BBS5: variants seen among roughly 807,000 people sequenced by gnomAD.
BBS5 encodes the protein Bardet-Biedl syndrome 5, also known as BBSome complex member BBS5.
In BBS5, 39 loss-of-function variants were observed where a neutral mutation model predicts 50.2. The ratio of observed to expected loss-of-function variants is 0.78; its 90% CI spans 0.60 to 1.01. The LOEUF is 1.01. Ranked by LOEUF, BBS5 falls within the 50% of genes least tolerant of loss-of-function variation. BBS5 has a pLI of 0.00. For synonymous variants in BBS5, 134 were observed against 133.1 expected (o/e 1.01, Z -0.05); for missense variants, 356 against 401.5 (o/e 0.89, Z 0.97).
chr2:169,493,054 T>A, intron 6 of BBS5, 45 bp downstream of exon 6: 3 of 1,604,912 alleles, frequency 1.9e-6, no homozygotes, highest in Non-Finnish European at 1.7e-6. Flanking sequence ...AGTGTTTTGG[T>A]AATCATTTTT....
At chr2:169,492,093 G>A (rs78069662) in intron 5 of BBS5, among the ~76,000 whole-genome samples, 7,234 of 151,770 alleles carry the variant, frequency 0.048, 194 homozygotes, top group East Asian at 0.13. Flanking sequence ...CACTGTGCCC[G>A]GCCGAGAAAA....
Position 169,499,565 on chromosome 2 carries a change from A to G in BBS5, c.761A>G (p.His254Arg). The change falls in exon 9 of 12, where the codon CAC becomes CGC. Residue 254 changes from histidine to arginine, a missense_variant. Transcript: ENST00000295240. The stretch of plus-strand genomic sequence containing the variant: ...TCAGTTAAGGAAATCAATTCACTTC[A>G]CAAAGTCTATTCTGCCAGTCCCATA... ...QESVKEINSLHKVYSASPIFG... is the reference protein window; with the variant it reads ...QESVKEINSLRKVYSASPIFG... 1 of 1,613,814 alleles carries G rather than the reference A, an allele frequency of 6.2e-7. No homozygotes were observed. The highest frequency in any genetic ancestry group is 8.5e-7 in the Non-Finnish European group (1 of 1,179,752).
chr2:169,498,553 C>T (rs1365338034), intron 8 of BBS5, among the ~76,000 whole-genome samples: 1 of 152,064 alleles, frequency 6.6e-6, no homozygotes, highest in Non-Finnish European at 1.5e-5. Context: ...CGCAGTGGCT[C>T]ATGCTTGTAA....
chr2:169,493,929 C>T, intron 7 of BBS5, 93 bp downstream of exon 7: 1 of 803,252 alleles, frequency 1.2e-6, no homozygotes, highest in South Asian at 1.6e-5. Flanking sequence ...TTCTTTCTCC[C>T]TTTTTTAAGT....
rs115517775 is a variant in BBS5 at position 169,497,179 on chromosome 2, G to A, written c.619-448G>A. Among the ~76,000 whole-genome samples the A allele has an allele frequency of 8.8e-3, 1,333 of 152,242 alleles. 26 individuals are homozygous for A. Among genetic ancestry groups the A allele is most frequent in the African/African-American group, 0.03 (1,258 of 41,550 alleles). ...CTACAAAAAAGAAAAAATTAACTGG[G>A]CATGGTGACACATGCCTGTAGTCCT... is the stretch of plus-strand genomic sequence containing the variant. On this transcript the variant is annotated intron_variant, in intron 7 of 11. Transcript: ENST00000295240.
At chr2:169,482,727 A>G (rs964375403) in intron 2 of BBS5, 10 of 254,142 alleles carry the variant, frequency 3.9e-5, no homozygotes, top group African/African-American at 9.0e-5. Flanking sequence ...TGCACCATCA[A>G]TCACCTATGG....
chr2:169,498,488 G>A (rs115883668), intron 8 of BBS5, among the ~76,000 whole-genome samples: 1 of 151,994 alleles, frequency 6.6e-6, no homozygotes, highest in Non-Finnish European at 1.5e-5. Context: ...TATGACAACT[G>A]GATAACCATT....
chr2:169,493,871 G>A (rs764007119), intron 7 of BBS5, 35 bp downstream of exon 7: 2 of 1,359,508 alleles, frequency 1.5e-6, no homozygotes, highest in Admixed American at 1.7e-5. Flanking sequence ...TTATTTTAAT[G>A]TAAAATAAAT....
At chr2:169,489,072 G>A (rs1353137736) in intron 5 of BBS5, among the ~76,000 whole-genome samples, 1 of 151,948 alleles carries the variant, frequency 6.6e-6, no homozygotes, top group Non-Finnish European at 1.5e-5. Flanking sequence ...ACTCACTGAA[G>A]CCTCAAACTC....
chr2:169,491,352 T>C (rs1339245407), intron 5 of BBS5, among the ~76,000 whole-genome samples: 2 of 152,210 alleles, frequency 1.3e-5, no homozygotes, highest in Non-Finnish European at 2.9e-5. Flanking sequence ...TGGTTAAGTA[T>C]TGATGATAAC....
intron 10 of BBS5, 30 bp downstream of exon 10, chr2:169,503,208 T>G: frequency 6.5e-7 from 1 of 1,536,340 alleles, no homozygotes; most frequent in Non-Finnish European, 9.0e-7. Flanking sequence ...GCATTAAATT[T>G]CTTAAGGATT....
intron 8 of BBS5, chr2:169,499,206 T>G: frequency 2.7e-6 from 1 of 369,222 alleles, no homozygotes; most frequent in Non-Finnish European, 5.0e-6. Flanking sequence ...TAAGCCTGCG[T>G]TGGGGGAATG....
At chr2:169,488,163 G>A in intron 5 of BBS5, 49 bp downstream of exon 5, 1 of 1,582,034 alleles carries the variant, frequency 6.3e-7, no homozygotes, top group Non-Finnish European at 8.7e-7. Context: ...TTACTCTATG[G>A]TTTTAGACTG....
chr2:169,504,625 G>A lies in BBS5; in HGVS notation c.*43G>A. 7.1e-7 allele frequency: 1 copy of A among 1,414,672 alleles called. No individual in the cohort carries two copies. Among genetic ancestry groups the A allele is most frequent in the Non-Finnish European group, 1.0e-6 (1 of 998,192 alleles). 87.6% of individuals were successfully genotyped at this position (1,414,672 alleles called of 1,614,324 possible). A position where few individuals can be genotyped will look rare whatever the true frequency, so the allele number is the denominator to read the frequency against. On this transcript the variant is annotated 3_prime_UTR_variant, in exon 12 of 12. Coordinates refer to ENST00000295240, the MANE Select transcript of BBS5 (RefSeq NM_152384.3). ...TGGATTTCTATTAAAGATATCTCTA[G>A]TTTAAAGATACTAGTCACCTGCCAT... is the stretch of plus-strand genomic sequence containing the variant.
intron 2 of BBS5, chr2:169,482,765 A>G: frequency 4.8e-6 from 1 of 206,436 alleles, no homozygotes; most frequent in East Asian, 1.3e-4. Context: ...ATATGCGGAG[A>G]GCAAATTTAG....
At chr2:169,500,718 G>A (rs1425405353) in intron 9 of BBS5, among the ~76,000 whole-genome samples, 2 of 152,044 alleles carry the variant, frequency 1.3e-5, no homozygotes, top group East Asian at 1.9e-4. Flanking sequence ...TCTCCCTGTC[G>A]AATTCCATAT....
At chr2:169,489,633 G>A (rs931387425) in intron 5 of BBS5, among the ~76,000 whole-genome samples, 3 of 150,306 alleles carry the variant, frequency 2.0e-5, no homozygotes, top group African/African-American at 7.3e-5. Flanking sequence ...TTTTCTTCTT[G>A]TTGTTTACTA....
At chr2:169,502,114 G>T (rs931058898) in intron 9 of BBS5, among the ~76,000 whole-genome samples, 2 of 152,084 alleles carry the variant, frequency 1.3e-5, no homozygotes, top group African/African-American at 2.4e-5. Flanking sequence ...TGAAGTCAGC[G>T]ATTTTTGTCT....
At position 169,506,327 on chromosome 2, in the gene BBS5, G is replaced by C. The variant is rs191321841; in HGVS notation, c.*1745G>C. The stretch of plus-strand genomic sequence containing the variant: ...ACCCAACAGCTCATTGAGAGCGGGC[G>C]ATGATGACAGTGGCGGCTTTGTGGA... On this transcript the variant is annotated 3_prime_UTR_variant, in exon 12 of 12. Transcript: ENST00000295240. 1,332 of 180,894 alleles carry C rather than the reference G, an allele frequency of 7.4e-3. 25 individuals are homozygous for C. The highest frequency in any genetic ancestry group is 0.03 in the African/African-American group (1,252 of 41,936). 11.2% of individuals were successfully genotyped at this position (180,894 alleles called of 1,614,324 possible).
Sources: gnomAD v4.1 joint callset for allele counts (sites outside exome capture counted in the v4.1 genomes callset) on GRCh38, gnomAD v4.1.1 for gene constraint, MANE v1.5 for transcripts, NCBI Gene and HGNC (gene_info 2026-07-23, HGNC 2026-07-21) for gene names.